C8orf74: variants seen among roughly 807,000 people sequenced by gnomAD.
C8orf74 encodes the protein chromosome 8 open reading frame 74.
A neutral mutation model predicts 22.2 loss-of-function variants in C8orf74; 29 were observed. The ratio of observed to expected loss-of-function variants is 1.31; its 90% CI spans 0.97 to 1.78. C8orf74 has a LOEUF of 1.78. Among genes scored for constraint, C8orf74 ranks in the 40% most tolerant of loss-of-function variants. The pLI is 0.00. For synonymous variants in C8orf74, 255 were observed against 163.1 expected, an observed-to-expected ratio of 1.56 and a Z score of -4.30; for missense variants, 515 against 369.9, an observed-to-expected ratio of 1.39 and a Z score of -3.22.
Position 10,697,135 on chromosome 8 carries a change from A to G in C8orf74, c.242-464A>G, listed in dbSNP as rs77600308. Among the ~76,000 whole-genome samples the G allele has an allele frequency of 9.6e-3, 1,457 of 152,318 alleles. 44 individuals carry two copies. Among genetic ancestry groups the G allele is most frequent in the East Asian group, 0.084 (436 of 5,180 alleles). On this transcript the variant is annotated intron_variant, in intron 2 of 3. Transcript: ENST00000304519. ...CTCGATACCTTTCAAAAGCTAATGC[A>G]TGGTAATAAGAATTGCAGTTAGGGC... is the stretch of plus-strand genomic sequence containing the variant.
rs558504333 is a variant in C8orf74, at chr8:10,694,216, T to A, written c.242-3383T>A. Among the ~76,000 whole-genome samples the A allele has an allele frequency of 4.6e-5, 7 of 152,262 alleles. No individual in the cohort carries two copies. The East Asian group carries it at 1.4e-3, about 29-fold the overall frequency. On this transcript the variant is annotated intron_variant, in intron 2 of 3. Transcript: ENST00000304519. Reference sequence around the variant, plus strand: ...ACTGAGAGCAGGGGATATGACTTATTTGTTGTCATAGTATTGCCAGAATCT... The same window carrying A: ...ACTGAGAGCAGGGGATATGACTTATATGTTGTCATAGTATTGCCAGAATCT...
intron 2 of C8orf74, chr8:10,679,769 G>A (rs1253215533): frequency 6.6e-6 from 1 of 152,288 alleles, no homozygotes; most frequent in Non-Finnish European, 1.5e-5. Flanking sequence ...CCCCTTCCCT[G>A]TGATGTCTGC....
intron 2 of C8orf74, among the ~76,000 whole-genome samples, chr8:10,696,640 G>C (rs1799507718): frequency 6.6e-6 from 1 of 151,604 alleles, no homozygotes; most frequent in African/African-American, 2.4e-5. Flanking sequence ...TAGAGACGGG[G>C]TTTTGCCATG....
At chr8:10,695,155 A>G (rs1265510990) in intron 2 of C8orf74, among the ~76,000 whole-genome samples, 2 of 152,170 alleles carry the variant, frequency 1.3e-5, no homozygotes, top group Non-Finnish European at 2.9e-5. Context: ...TTTCTACAGC[A>G]TTTATTGATT....
At chr8:10,682,546 CTG>C (rs1427524832) in intron 2 of C8orf74, among the ~76,000 whole-genome samples, 1 of 152,202 alleles carries the variant, frequency 6.6e-6, no homozygotes, top group Non-Finnish European at 1.5e-5. Context: ...CCTGGCGTCT[CTG>C]TGTGTGTCCA....
At chr8:10,693,502 C>T (rs1799427199) in intron 2 of C8orf74, among the ~76,000 whole-genome samples, 2 of 152,220 alleles carry the variant, frequency 1.3e-5, no homozygotes, top group South Asian at 2.1e-4. Context: ...AATGAATAAA[C>T]ACCTCCACCT....
intron 2 of C8orf74, among the ~76,000 whole-genome samples, chr8:10,678,213 T>G (rs1799073282): frequency 6.6e-6 from 1 of 152,190 alleles, no homozygotes. Flanking sequence ...GTGCGTGGTC[T>G]AGGGCAAGTC....
At chr8:10,672,794 C>A in intron 1 of C8orf74, 81 bp downstream of exon 1, 2 of 1,298,992 alleles carry the variant, frequency 1.5e-6, no homozygotes, top group Non-Finnish European at 1.1e-6. Flanking sequence ...GGAAGCGCCT[C>A]TTCAGGAGAC....
intron 1 of C8orf74, 78 bp from the exon 2 acceptor site, chr8:10,674,568 T>A (rs1490646836): frequency 2.5e-5 from 16 of 639,080 alleles, no homozygotes; most frequent in East Asian, 1.5e-4. Context: ...ATAGCCCCCA[T>A]ATCACACCCC....
At chr8:10,690,608 A>C (rs1174357003) in intron 2 of C8orf74, among the ~76,000 whole-genome samples, 2 of 152,082 alleles carry the variant, frequency 1.3e-5, no homozygotes, top group African/African-American at 4.8e-5. Flanking sequence ...TTATCGGGGT[A>C]CCTGAGTCCA....
At chr8:10,681,046 T>C in intron 2 of C8orf74, among the ~76,000 whole-genome samples, 1 of 151,324 alleles carries the variant, frequency 6.6e-6, no homozygotes, top group South Asian at 2.1e-4. Context: ...GTGTTTGCAT[T>C]CTAGATAACA....
At chr8:10,679,160 A>G (rs2129056513) in intron 2 of C8orf74, among the ~76,000 whole-genome samples, 1 of 152,286 alleles carries the variant, frequency 6.6e-6, no homozygotes, top group South Asian at 2.1e-4. Flanking sequence ...ATGTGGGGCA[A>G]GAACAGCATC....
intron 3 of C8orf74, among the ~76,000 whole-genome samples, chr8:10,699,187 C>T (rs925150735): frequency 6.6e-6 from 1 of 152,224 alleles, no homozygotes; most frequent in African/African-American, 2.4e-5. Flanking sequence ...CTTCCCACAG[C>T]TGTTCCTGCC....
At chr8:10,687,229 C>G (rs1169853898) in intron 2 of C8orf74, 3 of 410,164 alleles carry the variant, frequency 7.3e-6, no homozygotes. Flanking sequence ...ATGCTGTCGC[C>G]TAATCTCACG....
rs556715017 is a variant in C8orf74, at chr8:10,673,962, T to TCATA, written c.49-683_49-680dup. Among the ~76,000 whole-genome samples the TCATA allele has an allele frequency of 7.9e-4, 89 of 112,996 alleles. 2 individuals are homozygous for TCATA. In the South Asian group the frequency reaches 0.013, roughly 16 times the overall value. 74.1% of individuals were successfully genotyped at this position (112,996 alleles called of 152,430 possible). Reference sequence around the variant, plus strand: ...CATATCATACCCTCCGACCCCCATATCATATCCCACAACCCCCATATCATA... The same window carrying TCATA: ...CATATCATACCCTCCGACCCCCATATCATACATATCCCACAACCCCCATATCATA... On this transcript the variant is annotated intron_variant, in intron 1 of 3. Coordinates refer to ENST00000304519, the MANE Select transcript of C8orf74 (RefSeq NM_001040032.2).
chr8:10,700,113 G>A (rs906286968), intron 3 of C8orf74, 122 bp from the exon 4 acceptor site: 18 of 588,156 alleles, frequency 3.1e-5, no homozygotes, highest in East Asian at 1.9e-4. Flanking sequence ...ACCACGGCCC[G>A]TGGGCAGGGT....
At chr8:10,685,110 T>A (rs1045924300) in intron 2 of C8orf74, among the ~76,000 whole-genome samples, 1 of 152,230 alleles carries the variant, frequency 6.6e-6, no homozygotes, top group African/African-American at 2.4e-5. Context: ...TTTTACTTAA[T>A]CTTTTTGGAC....
intron 2 of C8orf74, chr8:10,675,896 G>A (rs1200197150): frequency 1.3e-5 from 2 of 152,216 alleles, no homozygotes; most frequent in African/African-American, 2.4e-5. Context: ...CACGTGACCT[G>A]TGGCCTGTCT....
At position 10,680,732 on chromosome 8, in the gene C8orf74, G is replaced by A. The variant is rs552137070; in HGVS notation, c.241+5894G>A. ...TGCCAGCCTTGCTGCCTACCAGACC[G>A]AGAGAGCAGGAAGCTGTTTGCTGTC... On this transcript the variant is annotated intron_variant, in intron 2 of 3. Transcript: ENST00000304519. Among the ~76,000 whole-genome samples the A allele has an allele frequency of 5.9e-5, 9 of 152,326 alleles. No individual in the cohort carries two copies. The East Asian group carries it at 7.7e-4, about 13-fold the overall frequency.
Sources: allele counts gnomAD v4.1 joint callset (sites outside exome capture counted in the v4.1 genomes callset), GRCh38; gene constraint gnomAD v4.1.1; transcripts MANE v1.5; gene names NCBI Gene and HGNC (gene_info 2026-07-23, HGNC 2026-07-21).